NID2: variants seen among roughly 807,000 people sequenced by gnomAD.
The protein encoded by NID2 is nidogen-2.
NID2 carries 83 observed loss-of-function variants against 145.4 expected under a neutral mutation model. The ratio of observed to expected loss-of-function variants is 0.57; its 90% CI spans 0.48 to 0.69. The LOEUF (loss-of-function observed/expected upper bound fraction) is 0.69, where lower values mean the gene tolerates loss of function less well. Ranked by LOEUF, NID2 falls within the 30% of genes least tolerant of loss-of-function variation. The pLI is 0.00. For missense variants in NID2, 1,807 were observed against 1,765.7 expected (o/e 1.02, Z -0.42); for synonymous variants, 739 against 701.3 (o/e 1.05, Z -0.85).
chr14:52,054,419 C>A, intron 3 of NID2, 98 bp from the exon 4 acceptor site: 1 of 1,242,058 alleles, frequency 8.1e-7, no homozygotes. Flanking sequence ...AACGGAAAGA[C>A]AGCTGGGCAT....
chr14:52,068,082 G>A lies in NID2; in HGVS notation c.310C>T (p.Pro104Ser). ...TCCGCCAGAAAAGGGGCGATGGCCG[G>A]GAAGTCGGTGGGGAAATCATAGTCC... ...YVDYDFPTDF[P>S]AIAPFLADID... Residue 104 changes from proline to serine, a missense_variant, in exon 2 of 22, where the codon CCG becomes TCG. Coordinates refer to ENST00000216286, the MANE Select transcript of NID2 (RefSeq NM_007361.4). 6.2e-7 allele frequency: 1 copy of A among 1,613,660 alleles called. No homozygotes were observed. The highest frequency in any genetic ancestry group is 8.5e-7 in the Non-Finnish European group (1 of 1,179,946).
chr14:52,030,507 G>GAA (rs756675140), intron 9 of NID2, among the ~76,000 whole-genome samples: 1 of 74,040 alleles, frequency 1.4e-5, no homozygotes, highest in African/African-American at 5.3e-5. Context: ...GAAAGAGAAA[G>GAA]AAAGAAAGAA....
At chr14:52,049,161 T>C (rs150127854) in intron 5 of NID2, among the ~76,000 whole-genome samples, 119 of 118,304 alleles carry the variant, frequency 1.0e-3, no homozygotes, top group African/African-American at 3.7e-3. Flanking sequence ...AACATGAAGA[T>C]TTTTTAAATC....
intron 3 of NID2, among the ~76,000 whole-genome samples, chr14:52,056,251 C>T (rs1892841624): frequency 6.6e-6 from 1 of 152,042 alleles, no homozygotes; most frequent in African/African-American, 2.4e-5. Flanking sequence ...TGGAAAAATA[C>T]AGATTATGGC....
intron 5 of NID2, among the ~76,000 whole-genome samples, chr14:52,051,062 A>T (rs899096859): frequency 3.9e-5 from 6 of 152,128 alleles, no homozygotes; most frequent in Non-Finnish European, 5.9e-5. Context: ...ACATCCATCT[A>T]CTGCTGTTCT....
chr14:52,033,360 G>C (rs1027745495), intron 9 of NID2, among the ~76,000 whole-genome samples: 12 of 152,132 alleles, frequency 7.9e-5, no homozygotes, highest in African/African-American at 2.9e-4. Flanking sequence ...AGGACAGGAA[G>C]CATTTTTGGA....
intron 3 of NID2, among the ~76,000 whole-genome samples, chr14:52,055,559 C>T (rs1357868924): frequency 6.6e-6 from 1 of 152,166 alleles, no homozygotes; most frequent in Non-Finnish European, 1.5e-5. Flanking sequence ...ACATGAACTC[C>T]ATTGAGTTTC....
chr14:52,044,502 C>A (rs778137277), intron 5 of NID2, among the ~76,000 whole-genome samples: 29 of 152,120 alleles, frequency 1.9e-4, no homozygotes, highest in Non-Finnish European at 1.6e-4. Flanking sequence ...GATCTCCTGA[C>A]CTCGTGATCC....
chr14:52,030,670 A>G (rs1479689836), intron 9 of NID2, among the ~76,000 whole-genome samples: 1 of 149,568 alleles, frequency 6.7e-6, no homozygotes, highest in East Asian at 1.9e-4. Flanking sequence ...AAGAAAAAGA[A>G]AAGAAAGAAA....
chr14:52,005,904 G>A, intron 20 of NID2, 55 bp from the exon 21 acceptor site: 1 of 710,690 alleles, frequency 1.4e-6, no homozygotes, highest in South Asian at 2.4e-5. Context: ...AGATAAAGAA[G>A]TCAGTCAGCC....
intron 21 of NID2, 97 bp downstream of exon 21, chr14:52,005,640 G>A (rs1258337725): frequency 2.5e-5 from 34 of 1,360,388 alleles, no homozygotes; most frequent in East Asian, 1.2e-4. Flanking sequence ...AGAAGGCAAT[G>A]GTGGCAGTGT....
At chr14:52,063,112 C>T (rs1365817101) in intron 2 of NID2, among the ~76,000 whole-genome samples, 1 of 152,208 alleles carries the variant, frequency 6.6e-6, no homozygotes, top group Non-Finnish European at 1.5e-5. Context: ...TGCTAAAGAG[C>T]CCACTTCATG....
At chr14:52,051,532 C>G (rs1381971410) in intron 5 of NID2, among the ~76,000 whole-genome samples, 1 of 152,178 alleles carries the variant, frequency 6.6e-6, no homozygotes, top group Non-Finnish European at 1.5e-5. Flanking sequence ...GTACTTAGTA[C>G]CGGACAATGT....
At chr14:52,057,209 T>C (rs923566178) in intron 3 of NID2, among the ~76,000 whole-genome samples, 1 of 152,086 alleles carries the variant, frequency 6.6e-6, no homozygotes, top group African/African-American at 2.4e-5. Context: ...ACCCAGCTAA[T>C]TTTTTAAATT....
chr14:52,006,547 C>A lies in NID2; in HGVS notation c.3994G>T (p.Asp1332Tyr). The change falls in exon 20 of 22, where the codon GAC becomes TAC. Residue 1332 changes from aspartate (D) to tyrosine (Y), a missense_variant. Coordinates refer to ENST00000216286, the MANE Select transcript of NID2 (RefSeq NM_007361.4). Reference protein sequence around the residue: ...VSYADHFYHTDWRRDGVVSVN... With the variant: ...VSYADHFYHTYWRRDGVVSVN... Reference sequence around the variant, plus strand: ...ATTTGTGGGGCTCACCTCCTCCAGTCTGTGTGGTAGAAGTGATCTGCATAG... The same window carrying A: ...ATTTGTGGGGCTCACCTCCTCCAGTATGTGTGGTAGAAGTGATCTGCATAG... 6.2e-7 allele frequency: 1 copy of A among 1,613,660 alleles called. No homozygotes were observed. Among genetic ancestry groups the A allele is most frequent in the South Asian group, 1.1e-5 (1 of 91,058 alleles).
chr14:52,030,577 GGAAAGAAA>G (rs59292241), intron 9 of NID2, among the ~76,000 whole-genome samples: 23,209 of 91,394 alleles, frequency 0.25, 4,076 homozygotes, highest in East Asian at 0.48. Context: ...AGGAAGGAAG[GGAAAGAAA>G]GAAAGAAAGA....
At chr14:52,006,063 A>ATGGTC in intron 20 of NID2, 1 of 546,912 alleles carries the variant, frequency 1.8e-6, no homozygotes, top group East Asian at 3.2e-5. Flanking sequence ...TGAGCTATCA[A>ATGGTC]ATCAGAGTTG....
chr14:52,030,620 AAGAAAG>A, intron 9 of NID2, among the ~76,000 whole-genome samples: 1 of 148,306 alleles, frequency 6.7e-6, no homozygotes, highest in Non-Finnish European at 1.5e-5. Flanking sequence ...AAGAAAAAGA[AAGAAAG>A]AGAAAGAAAG....
intron 18 of NID2, chr14:52,008,883 C>T (rs1275324994): frequency 6.6e-6 from 1 of 152,158 alleles, no homozygotes; most frequent in Non-Finnish European, 1.5e-5. Context: ...TTAAGTTAAG[C>T]ACTTTACCTT....
Sources: gnomAD v4.1 joint callset for allele counts (sites outside exome capture counted in the v4.1 genomes callset) on GRCh38, gnomAD v4.1.1 for gene constraint, MANE v1.5 for transcripts, NCBI Gene and HGNC (gene_info 2026-07-23, HGNC 2026-07-21) for gene names.